Variants in PUDP observed in about 807,000 individuals in gnomAD.
The protein encoded by PUDP is pseudouridine 5'-phosphatase, also known as pseudouridine-5'-phosphatase.
PUDP carries 8 observed loss-of-function variants against 9.4 expected under a neutral mutation model. That is an observed-to-expected ratio of 0.85 (90% CI 0.50 to 1.53). The LOEUF (loss-of-function observed/expected upper bound fraction) is 1.53, where lower values mean the gene tolerates loss of function less well. Ranked by LOEUF, PUDP falls within the 40% of genes most tolerant of loss-of-function variation. The pLI is 0.00. For missense variants in PUDP, 188 were observed against 189.7 expected, an observed-to-expected ratio of 0.99 and a Z score of 0.05; for synonymous variants, 99 against 80.7, an observed-to-expected ratio of 1.23 and a Z score of -1.22.
At chrX:6,788,276 G>A (rs112738477) in intron 3 of PUDP, among the ~76,000 whole-genome samples, 2,308 of 112,296 alleles carry the variant, frequency 0.021, 56 homozygotes, top group African/African-American at 0.068. Flanking sequence ...ATGTACAACT[G>A]TAGGCAAATG....
intron 3 of PUDP, among the ~76,000 whole-genome samples, chrX:6,866,490 G>A (rs746377695): frequency 1.5e-4 from 17 of 111,564 alleles, no homozygotes; most frequent in African/African-American, 2.0e-4. Context: ...CTCCAGGGCT[G>A]TCTCAGGGAA....
intron 3 of PUDP, among the ~76,000 whole-genome samples, chrX:6,830,520 A>G (rs964234852): frequency 3.6e-5 from 4 of 112,364 alleles, no homozygotes; most frequent in African/African-American, 1.3e-4. Context: ...CGGGAAGTCT[A>G]TCATAAGTAG....
intron 3 of PUDP, among the ~76,000 whole-genome samples, chrX:6,757,883 T>C (rs1925186941): frequency 8.9e-6 from 1 of 112,590 alleles, no homozygotes; most frequent in African/African-American, 3.2e-5. Context: ...TTCTGTGTAC[T>C]AGCATTCAAC....
At chrX:7,077,538 A>G (rs1445500574) in intron 2 of PUDP, 89 bp from the exon 3 acceptor site, 13 of 687,376 alleles carry the variant, frequency 1.9e-5, no homozygotes, top group Non-Finnish European at 2.7e-5. Context: ...GCTGTGTGGC[A>G]GCACACTCTC....
At chrX:6,981,941 C>G (rs1167683271) in intron 1 of PUDP, among the ~76,000 whole-genome samples, 4 of 108,160 alleles carry the variant, frequency 3.7e-5, no homozygotes, top group Non-Finnish European at 7.7e-5. Context: ...CAATTCTGTT[C>G]CTAGGATTAC....
At chrX:7,120,125 C>T (rs79382924) in intron 1 of PUDP, among the ~76,000 whole-genome samples, 1 of 57,645 alleles carries the variant, frequency 1.7e-5, no homozygotes, top group Non-Finnish European at 3.6e-5. Context: ...AACTTTACAA[C>T]TCAGTGATGA....
chrX:6,738,707 G>T (rs1009638464), intron 3 of PUDP, among the ~76,000 whole-genome samples: 1 of 110,731 alleles, frequency 9.0e-6, no homozygotes, highest in African/African-American at 3.3e-5. Context: ...CTCAGTACCC[G>T]ACAATGCACA....
At chrX:6,790,167 C>T (rs1263677620) in intron 3 of PUDP, among the ~76,000 whole-genome samples, 2 of 111,167 alleles carry the variant, frequency 1.8e-5, no homozygotes, top group African/African-American at 6.5e-5. Context: ...AGAAGGAAGA[C>T]AGATGACAGA....
In PUDP at chrX:6,811,122, A is replaced by C. The variant is rs150944092; in HGVS notation, c.*248-104656T>G. Among the ~76,000 whole-genome samples, 472 of 111,493 alleles carry C rather than the reference A, an allele frequency of 4.2e-3. 17 individuals are homozygous for C. The East Asian group carries it at 0.11, about 27-fold the overall frequency. On this transcript the variant is annotated intron_variant and NMD_transcript_variant, in intron 3 of 3. Coordinates refer to the PUDP transcript ENST00000655425. Reference sequence around the variant, plus strand: ...TCAAAAAGTCAGGCTTCGATTCTCAAAAATAGGAGTGTATACAGGTTTAAC... The same window carrying C: ...TCAAAAAGTCAGGCTTCGATTCTCACAAATAGGAGTGTATACAGGTTTAAC...
chrX:7,008,602 C>G (rs1192334490), intron 1 of PUDP, among the ~76,000 whole-genome samples: 7 of 111,554 alleles, frequency 6.3e-5, no homozygotes, highest in Non-Finnish European at 1.3e-4. Flanking sequence ...GTGTTTCTTG[C>G]TAATTCTGTG....
intron 3 of PUDP, among the ~76,000 whole-genome samples, chrX:7,075,194 A>G (rs1350381245): frequency 8.9e-6 from 1 of 112,198 alleles, no homozygotes; most frequent in African/African-American, 3.2e-5. Context: ...TCTGGACATC[A>G]GAAAGACCAA....
chrX:6,717,617 T>G (rs1924615406), intron 1 of PUDP, among the ~76,000 whole-genome samples: 1 of 111,894 alleles, frequency 8.9e-6, no homozygotes, highest in East Asian at 2.8e-4. Context: ...ACCTGTGACT[T>G]GTTTCTGGCC....
chrX:6,955,883 C>T (rs973552511), intron 3 of PUDP, among the ~76,000 whole-genome samples: 12 of 111,963 alleles, frequency 1.1e-4, no homozygotes, highest in African/African-American at 3.9e-4. Context: ...AACATATACA[C>T]GACACATATA....
chrX:6,887,315 T>C (rs1377607640), intron 3 of PUDP, among the ~76,000 whole-genome samples: 4 of 109,417 alleles, frequency 3.7e-5, no homozygotes, highest in Non-Finnish European at 7.6e-5. Flanking sequence ...GTATAGGTTT[T>C]AAAGATTTTT....
chrX:6,813,963 G>C (rs1926185675), intron 3 of PUDP, among the ~76,000 whole-genome samples: 1 of 111,427 alleles, frequency 9.0e-6, no homozygotes, highest in African/African-American at 3.3e-5. Flanking sequence ...ATCAAAGGCA[G>C]GAGTGAAACG....
intron 3 of PUDP, among the ~76,000 whole-genome samples, chrX:6,846,335 G>A (rs983306127): frequency 1.4e-4 from 15 of 107,389 alleles, no homozygotes; most frequent in African/African-American, 2.4e-4. Flanking sequence ...GCGTGAACCC[G>A]AGAGGCGGAG....
At chrX:6,925,902 C>G (rs1928094469) in intron 3 of PUDP, among the ~76,000 whole-genome samples, 1 of 111,656 alleles carries the variant, frequency 9.0e-6, no homozygotes, top group Admixed American at 9.5e-5. Context: ...GTAGGGGTGA[C>G]TTAACTCTTG....
At chrX:6,731,701 G>T (rs1163897339) in intron 3 of PUDP, among the ~76,000 whole-genome samples, 1 of 92,845 alleles carries the variant, frequency 1.1e-5, no homozygotes, top group Non-Finnish European at 2.0e-5. Context: ...AGCTGGAAAC[G>T]AAGTCAATGT....
At chrX:6,773,753 C>T (rs1014292485) in intron 3 of PUDP, among the ~76,000 whole-genome samples, 6 of 111,409 alleles carry the variant, frequency 5.4e-5, no homozygotes, top group Non-Finnish European at 1.1e-4. Context: ...GAGTTTCCAC[C>T]CCTTTCCATG....
Sources: allele counts gnomAD v4.1 joint callset (sites outside exome capture counted in the v4.1 genomes callset), GRCh38; gene constraint gnomAD v4.1.1; transcripts MANE v1.5; gene names NCBI Gene and HGNC (gene_info 2026-07-23, HGNC 2026-07-21).